The following SGO2 variants were observed in gnomAD, a reference collection of about 807,000 sequenced individuals.
SGO2 encodes shugoshin 2, also known as shugoshin-like 2.
SGO2 carries 68 observed loss-of-function variants against 99.5 expected under a neutral mutation model. That is an observed-to-expected ratio of 0.68 (90% CI 0.56 to 0.84). The LOEUF (loss-of-function observed/expected upper bound fraction) is 0.84, where lower values mean the gene tolerates loss of function less well. Ranked by LOEUF, SGO2 falls within the 40% of genes least tolerant of loss-of-function variation. The pLI, the probability that SGO2 is intolerant of heterozygous loss-of-function variation, is 0.00. For missense variants in SGO2, 1,350 were observed against 1,436.7 expected (o/e 0.94, Z 0.97); for synonymous variants, 457 against 487.1 (o/e 0.94, Z 0.81).
rs2033357082 is a variant in SGO2 at position 200,570,455 on chromosome 2, A to T, written c.703+563A>T. Among the ~76,000 whole-genome samples the T allele has an allele frequency of 6.7e-6, 1 of 148,194 alleles. No homozygotes were observed. ...TATAACAATTTTGAATTTAGAGCTTAGAATTGTTTTTCCTTTCTGAAAATG... is the reference window on the plus strand; with the variant it reads ...TATAACAATTTTGAATTTAGAGCTTTGAATTGTTTTTCCTTTCTGAAAATG... On this transcript the variant is annotated intron_variant, in intron 6 of 8. Coordinates refer to ENST00000357799, the MANE Select transcript of SGO2 (RefSeq NM_152524.6). The surrounding 1 kb of genome is among the most constrained non-coding windows in gnomAD (Gnocchi z 4.4).
intron 8 of SGO2, among the ~76,000 whole-genome samples, chr2:200,577,006 C>A (rs758214905): frequency 1.3e-4 from 19 of 148,028 alleles, no homozygotes; most frequent in Non-Finnish European, 2.1e-4. Flanking sequence ...TATGAACATT[C>A]TTTTGCAAGG....
chr2:200,550,015 G>A (rs1262052632), intron 5 of SGO2, among the ~76,000 whole-genome samples: 1 of 152,228 alleles, frequency 6.6e-6, no homozygotes, highest in African/African-American at 2.4e-5. Flanking sequence ...TAAAGTTGCA[G>A]GATGCAAAAT....
intron 8 of SGO2, chr2:200,576,214 G>T: frequency 1.5e-5 from 3 of 200,638 alleles, no homozygotes; most frequent in Admixed American, 7.0e-5. Flanking sequence ...GGACCAAGGG[G>T]CCTTTTTTTT....
At chr2:200,528,863 G>A (rs1374398280) in intron 1 of SGO2, among the ~76,000 whole-genome samples, 2 of 152,188 alleles carry the variant, frequency 1.3e-5, no homozygotes, top group Admixed American at 6.5e-5. Context: ...TCCTGCCTCA[G>A]AACAAACAGA....
At position 200,571,483 on chromosome 2, in the gene SGO2, A is replaced by T. The variant is rs2033423576; in HGVS notation, c.1137A>T (p.Ser379=). 1 of 1,611,338 alleles carries T rather than the reference A, an allele frequency of 6.2e-7. No homozygotes were observed. Among genetic ancestry groups the T allele is most frequent in the Non-Finnish European group, 8.5e-7 (1 of 1,179,334 alleles). ...ASEVSKIVTV[S]TGIKKKSNKK... is the part of the protein sequence containing the mutation. ...AAGTCAGCAAAATTGTCACAGTCTC[A>T]ACAGGCATTAAAAAGAAAAGTAATA... Residue 379 remains serine, a synonymous_variant, in exon 7 of 9, where the codon TCA becomes TCT. Coordinates refer to ENST00000357799, the MANE Select transcript of SGO2 (RefSeq NM_152524.6).
chr2:200,532,011 G>T (rs1296929554), intron 1 of SGO2: 3 of 152,142 alleles, frequency 2.0e-5, no homozygotes, highest in Non-Finnish European at 4.4e-5. Context: ...TTCCACATGA[G>T]GTTTAGAATT....
intron 4 of SGO2, among the ~76,000 whole-genome samples, chr2:200,540,416 T>C (rs1411095208): frequency 1.3e-5 from 2 of 152,210 alleles, no homozygotes; most frequent in Non-Finnish European, 2.9e-5. Flanking sequence ...AGTTTAGACT[T>C]CCCATTCAGC....
chr2:200,549,893 A>C, intron 5 of SGO2, among the ~76,000 whole-genome samples: 1 of 152,308 alleles, frequency 6.6e-6, no homozygotes, highest in East Asian at 1.9e-4. Context: ...AAGAAAACAA[A>C]ATAAAGGGCA....
In SGO2 at chr2:200,542,681, AT is replaced by A. The variant is rs571526636; in HGVS notation, c.473+19del. 1.3e-6 allele frequency: 2 copies of A among 1,592,794 alleles called. No homozygotes were observed. The highest frequency in any genetic ancestry group is 2.2e-5 in the South Asian group (2 of 90,502). ...ATTTGCAAGGTAAATATGGGCTTGA[AT>A]TACACTAGTTCAGAGTATATAGATT... is the stretch of plus-strand genomic sequence containing the variant. On this transcript the variant is annotated intron_variant, in intron 5 of 8. Transcript: ENST00000357799.
intron 8 of SGO2, 51 bp from the exon 9 acceptor site, chr2:200,583,398 A>G (rs2033901168): frequency 1.3e-6 from 2 of 1,520,890 alleles, no homozygotes; most frequent in African/African-American, 1.4e-5. Flanking sequence ...CTTCACAGCA[A>G]AAGCATTAAT....
intron 5 of SGO2, among the ~76,000 whole-genome samples, chr2:200,562,629 T>A (rs1042399026): frequency 7.9e-5 from 12 of 152,226 alleles, no homozygotes; most frequent in African/African-American, 2.7e-4. Context: ...TGGCATTGAA[T>A]CTATAAATTA....
At chr2:200,540,514 G>A (rs10171100) in intron 4 of SGO2, among the ~76,000 whole-genome samples, 1,717 of 152,220 alleles carry the variant, frequency 0.011, 37 homozygotes, top group African/African-American at 0.038. Context: ...AGGGAAGGGT[G>A]CACCTCATTA....
Position 200,571,087 on chromosome 2 carries a change from T to C in SGO2, c.741T>C (p.Ser247=). ...HSHSDQSSKT[S]LMSEMRNAQS... ...ACTCAGACCAAAGTTCTAAGACTTC[T>C]CTAATGAGTGAGATGAGAAACGCCC... Residue 247 remains serine (S), a synonymous_variant, in exon 7 of 9, where the codon TCT becomes TCC. Coordinates refer to ENST00000357799, the MANE Select transcript of SGO2 (RefSeq NM_152524.6). The C allele has an allele frequency of 6.2e-7, 1 of 1,608,726 alleles. No homozygotes were observed. Among genetic ancestry groups the C allele is most frequent in the Non-Finnish European group, 8.5e-7 (1 of 1,178,054 alleles).
chr2:200,566,559 C>T (rs1041997449), intron 5 of SGO2, among the ~76,000 whole-genome samples: 2 of 152,224 alleles, frequency 1.3e-5, no homozygotes, highest in Non-Finnish European at 2.9e-5. Flanking sequence ...TCTCAGATCT[C>T]AAACCCTGGG....
chr2:200,542,534 T>A, intron 4 of SGO2, 45 bp from the exon 5 acceptor site: 2 of 1,462,960 alleles, frequency 1.4e-6, no homozygotes, highest in East Asian at 4.6e-5. Flanking sequence ...TAACATGATT[T>A]AATAAGGTTA....
intron 1 of SGO2, among the ~76,000 whole-genome samples, chr2:200,529,827 CT>C (rs1246103544): frequency 3.3e-5 from 5 of 152,204 alleles, no homozygotes; most frequent in African/African-American, 1.2e-4. Flanking sequence ...TGCACCCAGC[CT>C]GGAGCTACAG....
intron 4 of SGO2, among the ~76,000 whole-genome samples, chr2:200,541,935 G>C (rs768590515): frequency 6.6e-6 from 1 of 151,770 alleles, no homozygotes; most frequent in Non-Finnish European, 1.5e-5. Flanking sequence ...CTCAATTACT[G>C]TAACCCTCCT....
In SGO2 at chr2:200,572,249, A is replaced by G. The variant is rs906580835; in HGVS notation, c.1903A>G (p.Lys635Glu). ...GAACCACATGTATGAGGATAATGAT[A>G]AAGATGTGGTGCATGGCCTAAAAAA... ...GMNHMYEDND[K>E]DVVHGLKKGN... is the part of the protein sequence containing the mutation. Residue 635 changes from lysine to glutamate, a missense_variant, in exon 7 of 9, where the codon AAA becomes GAA. Transcript: ENST00000357799. 1 of 1,612,660 alleles carries G rather than the reference A, an allele frequency of 6.2e-7. No homozygotes were observed. Among genetic ancestry groups the G allele is most frequent in the African/African-American group, 1.3e-5 (1 of 74,894 alleles).
In SGO2 at chr2:200,583,816, C is replaced by T. The variant is rs569193115; in HGVS notation, c.*352C>T. ...TTGGTTATCTTGTATACTAGGCTGT[C>T]TTGTTTTGCTGTCTGTTTTTAACCC... On this transcript the variant is annotated 3_prime_UTR_variant, in exon 9 of 9. Transcript: ENST00000357799. 6.3e-6 allele frequency: 1 copy of T among 158,868 alleles called. No individual in the cohort carries two copies. The highest frequency in any genetic ancestry group is 1.4e-5 in the Non-Finnish European group (1 of 72,614). 9.8% of individuals were successfully genotyped at this position (158,868 alleles called of 1,614,324 possible).
Sources: gnomAD v4.1 joint callset for allele counts (sites outside exome capture counted in the v4.1 genomes callset) on GRCh38, gnomAD v4.1.1 for gene constraint, Gnocchi (gnomAD v3.1) non-coding constraint, MANE v1.5 for transcripts, NCBI Gene and HGNC (gene_info 2026-07-23, HGNC 2026-07-21) for gene names.